SPAG17: variants seen among roughly 807,000 people sequenced by gnomAD.
SPAG17 encodes sperm-associated antigen 17.
A neutral mutation model predicts 273.6 loss-of-function variants in SPAG17; 169 were observed. The ratio of observed to expected loss-of-function variants is 0.62; its 90% CI spans 0.55 to 0.70. The LOEUF (loss-of-function observed/expected upper bound fraction) is 0.70, where lower values mean the gene tolerates loss of function less well. SPAG17 is among the 30% of genes least tolerant of loss of function. The pLI is 0.00. For missense variants in SPAG17, 2,557 were observed against 2,627.8 expected (o/e 0.97, Z 0.59); for synonymous variants, 825 against 873.2 (o/e 0.94, Z 0.97).
chr1:118,103,840 A>AGTGTGTGTGTGTGTGTGT lies in SPAG17; in HGVS notation c.448-1932_448-1915dup, dbSNP rs60797775. Among the ~76,000 whole-genome samples, 737 of 136,362 alleles carry AGTGTGTGTGTGTGTGTGT rather than the reference A, an allele frequency of 5.4e-3. 7 individuals carry two copies. Among genetic ancestry groups the AGTGTGTGTGTGTGTGTGT allele is most frequent in the South Asian group, 7.5e-3 (29 of 3,864 alleles). The allele number at this position is 136,362 out of a possible 152,430, so 89.5% of individuals were successfully genotyped here. On this transcript the variant is annotated intron_variant, in intron 4 of 48. Transcript: ENST00000336338. ...TACACATGAGAAGCAGGGAAAATGT[A>AGTGTGTGTGTGTGTGTGT]GTGTGTGTGTGTGTGTGTGTGTGTG... is the stretch of plus-strand genomic sequence containing the variant.
chr1:118,155,399 A>T (rs971066868), intron 1 of SPAG17, among the ~76,000 whole-genome samples: 1 of 152,216 alleles, frequency 6.6e-6, no homozygotes, highest in African/African-American at 2.4e-5. Flanking sequence ...ACAATTGCAA[A>T]AGCCTTTTCA....
At chr1:118,027,434 A>C (rs1647881097) in intron 26 of SPAG17, among the ~76,000 whole-genome samples, 1 of 152,208 alleles carries the variant, frequency 6.6e-6, no homozygotes, top group Non-Finnish European at 1.5e-5. Flanking sequence ...TAAGGGAATT[A>C]TATAAAAGAG....
chr1:118,063,938 C>T (rs1311507956), intron 18 of SPAG17, among the ~76,000 whole-genome samples: 4 of 152,162 alleles, frequency 2.6e-5, no homozygotes, highest in African/African-American at 9.7e-5. Flanking sequence ...TATGAACAGA[C>T]ACTTCTCAAA....
At chr1:117,970,744 C>T (rs1388682281) in intron 45 of SPAG17, among the ~76,000 whole-genome samples, 3 of 152,168 alleles carry the variant, frequency 2.0e-5, no homozygotes, top group African/African-American at 7.2e-5. Flanking sequence ...GCTTCTTCCT[C>T]CATCAACCTT....
rs531528966 is a variant in SPAG17, at chr1:118,058,744, C to T, written c.2541-2830G>A. Among the ~76,000 whole-genome samples the T allele has an allele frequency of 2.0e-3, 308 of 152,164 alleles. 2 individuals are homozygous for T. Among genetic ancestry groups the T allele is most frequent in the African/African-American group, 7.2e-3 (301 of 41,526 alleles). On this transcript the variant is annotated intron_variant, in intron 18 of 48. Transcript: ENST00000336338. ...CTAACCTAGTGAAATACAATACCTA[C>T]CTGACATATAAAATGATTGGGAAAG...
At position 118,135,371 on chromosome 1, in the gene SPAG17, ATGTGTGTGTGTGTGTGTGTG is replaced by A. The variant is rs57793942; in HGVS notation, c.315+15152_315+15171del. Among the ~76,000 whole-genome samples, 5 of 140,024 alleles carry A rather than the reference ATGTGTGTGTGTGTGTGTGTG, an allele frequency of 3.6e-5. No homozygotes were observed. In the South Asian group the frequency reaches 9.6e-4, roughly 27 times the overall value. 91.9% of individuals were successfully genotyped at this position (140,024 alleles called of 152,430 possible). Reference sequence around the variant, plus strand: ...AAACTGTGGTTTATCAGCTCAAGCAATGTGTGTGTGTGTGTGTGTGTGTGTGTGTGTGTGTGTGTATGTGT... The same window carrying A: ...AAACTGTGGTTTATCAGCTCAAGCAATGTGTGTGTGTGTGTGTGTATGTGT... On this transcript the variant is annotated intron_variant, in intron 3 of 48. Coordinates refer to ENST00000336338, the MANE Select transcript of SPAG17 (RefSeq NM_206996.4).
intron 42 of SPAG17, among the ~76,000 whole-genome samples, chr1:117,983,323 C>T (rs1044794491): frequency 5.9e-5 from 9 of 152,122 alleles, no homozygotes; most frequent in East Asian, 1.9e-4. Flanking sequence ...GAATTCAAGA[C>T]GAGATTTGGG....
At chr1:117,969,823 T>G (rs1299549834) in intron 46 of SPAG17, among the ~76,000 whole-genome samples, 3 of 152,138 alleles carry the variant, frequency 2.0e-5, no homozygotes, top group Non-Finnish European at 4.4e-5. Context: ...GCTGGCAGTT[T>G]AACTCTGTTT....
At chr1:118,082,091 G>T (rs1654626315) in intron 13 of SPAG17, among the ~76,000 whole-genome samples, 1 of 152,170 alleles carries the variant, frequency 6.6e-6, no homozygotes, top group Admixed American at 6.5e-5. Context: ...GCTCAGGAAA[G>T]GCTTCCTCCT....
At chr1:118,160,340 CTTTG>C (rs1459597536) in intron 1 of SPAG17, among the ~76,000 whole-genome samples, 1 of 152,162 alleles carries the variant, frequency 6.6e-6, no homozygotes, top group Non-Finnish European at 1.5e-5. Flanking sequence ...AGCCCTTTTG[CTTTG>C]TTTTTCTATC....
At chr1:118,022,558 G>T (rs1415703342) in intron 28 of SPAG17, among the ~76,000 whole-genome samples, 2 of 152,154 alleles carry the variant, frequency 1.3e-5, no homozygotes, top group Admixed American at 1.3e-4. Flanking sequence ...TCTGGCATTG[G>T]TGAGGGTATG....
At chr1:117,978,058 C>T (rs1431432174) in intron 43 of SPAG17, among the ~76,000 whole-genome samples, 3 of 152,192 alleles carry the variant, frequency 2.0e-5, no homozygotes, top group Non-Finnish European at 4.4e-5. Context: ...GTTTCCAGTA[C>T]CCTTTCTGGA....
chr1:118,131,767 G>A (rs1458261330), intron 3 of SPAG17, among the ~76,000 whole-genome samples: 1 of 152,138 alleles, frequency 6.6e-6, no homozygotes, highest in East Asian at 1.9e-4. Context: ...GTGGTCCCCT[G>A]AAGGGTGCAC....
chr1:118,112,109 C>A (rs1656798444), intron 4 of SPAG17, among the ~76,000 whole-genome samples: 1 of 151,528 alleles, frequency 6.6e-6, no homozygotes, highest in South Asian at 2.1e-4. Flanking sequence ...TGTATCGAAG[C>A]TTTTTTTTCA....
chr1:118,006,365 T>A (rs1658881954), intron 31 of SPAG17, among the ~76,000 whole-genome samples: 1 of 152,250 alleles, frequency 6.6e-6, no homozygotes, highest in African/African-American at 2.4e-5. Context: ...GCCTTTTGTG[T>A]CTGGCTTCTT....
At chr1:118,030,420 A>G (rs146516264) in intron 25 of SPAG17, among the ~76,000 whole-genome samples, 260 of 151,292 alleles carry the variant, frequency 1.7e-3, no homozygotes, top group African/African-American at 6.0e-3. Context: ...TTTTTTTCCA[A>G]AACTATTTAT....
chr1:118,027,268 A>G (rs116152990), intron 26 of SPAG17, among the ~76,000 whole-genome samples: 114 of 152,268 alleles, frequency 7.5e-4, no homozygotes, highest in African/African-American at 2.7e-3. Flanking sequence ...GGCTATTTTT[A>G]ATAATTCAGA....
In SPAG17 at chr1:118,115,433, C is replaced by T. The variant is rs376661151; in HGVS notation, c.324G>A (p.Thr108=). The T allele has an allele frequency of 2.7e-5, 43 of 1,612,598 alleles. No individual in the cohort carries two copies. Among genetic ancestry groups the T allele is most frequent in the South Asian group, 8.8e-5 (8 of 90,980 alleles). The part of the protein sequence containing the change: ...GNAPLYYEVL[T]AAKAIMDSGE... ...CACTATCCATAATTGCTTTTGCTGC[C>T]GTTAACACCTATACAGAAACACAAT... The change falls in exon 4 of 49, where the codon ACG becomes ACA. Residue 108 remains threonine (T), a synonymous_variant. Transcript: ENST00000336338.
In SPAG17 at chr1:118,063,054, A is replaced by C. The variant is rs371108251; in HGVS notation, c.2540+3691T>G. Among the ~76,000 whole-genome samples, 13 of 152,370 alleles carry C rather than the reference A, an allele frequency of 8.5e-5. No homozygotes were observed. In the East Asian group the frequency reaches 9.6e-4, roughly 11 times the overall value. Reference sequence around the variant, plus strand: ...AATGTGAAGGACCTCTTCAAGGAGAACTACAAACCAGTGCTCAATGAAATA... The same window carrying C: ...AATGTGAAGGACCTCTTCAAGGAGACCTACAAACCAGTGCTCAATGAAATA... On this transcript the variant is annotated intron_variant, in intron 18 of 48. Coordinates refer to ENST00000336338, the MANE Select transcript of SPAG17 (RefSeq NM_206996.4).
Sources: gnomAD v4.1 joint callset for allele counts (sites outside exome capture counted in the v4.1 genomes callset) on GRCh38, gnomAD v4.1.1 for gene constraint, MANE v1.5 for transcripts, NCBI Gene and HGNC (gene_info 2026-07-23, HGNC 2026-07-21) for gene names.